The following RPGRIP1L variants were observed in gnomAD, a reference collection of about 807,000 sequenced individuals.
RPGRIP1L encodes protein fantom.
A neutral mutation model predicts 160.4 loss-of-function variants in RPGRIP1L; 131 were observed. The observed-to-expected ratio is 0.82, with a 90% CI of 0.71 to 0.94. The LOEUF is 0.94. Ranked by LOEUF, RPGRIP1L falls within the 40% of genes least tolerant of loss-of-function variation. The pLI is 0.00. For missense variants in RPGRIP1L, 1,522 were observed against 1,535.8 expected, an observed-to-expected ratio of 0.99 and a Z score of 0.15; for synonymous variants, 510 against 515.8, an observed-to-expected ratio of 0.99 and a Z score of 0.15.
chr16:53,678,763 G>A (rs1351529978), intron 6 of RPGRIP1L, among the ~76,000 whole-genome samples: 1 of 152,180 alleles, frequency 6.6e-6, no homozygotes, highest in Admixed American at 6.5e-5. Context: ...TTGAGTAATA[G>A]TTACAGGCTG....
chr16:53,611,360 C>T (rs1374961025), intron 24 of RPGRIP1L, among the ~76,000 whole-genome samples: 1 of 152,186 alleles, frequency 6.6e-6, no homozygotes, highest in African/African-American at 2.4e-5. Context: ...AGTCAACGGT[C>T]TTTATTGCTT....
At chr16:53,621,813 G>A (rs1225567724) in intron 23 of RPGRIP1L, among the ~76,000 whole-genome samples, 2 of 150,964 alleles carry the variant, frequency 1.3e-5, no homozygotes, top group African/African-American at 4.9e-5. Flanking sequence ...ACGAGGTCAG[G>A]AGATCGAGAC....
At position 53,652,836 on chromosome 16, in the gene RPGRIP1L, A is replaced by G. The variant is rs762855764; in HGVS notation, c.1851T>C (p.Ser617=). The change falls in exon 15 of 27, where the codon TCT becomes TCC. Residue 617 remains serine (S), a synonymous_variant. Transcript: ENST00000647211. ...CTCCAGATGCCTGTAAAACTTCAGA[A>G]GAAAAGGTTACTTTGTTGATATGGA... The part of the protein sequence containing the change: ...FEIHINKVTF[S]SEVLQASGDK... The G allele has an allele frequency of 1.9e-6, 3 of 1,613,548 alleles. No individual in the cohort carries two copies. Among genetic ancestry groups the G allele is most frequent in the Non-Finnish European group, 2.5e-6 (3 of 1,179,838 alleles).
At position 53,645,939 on chromosome 16, in the gene RPGRIP1L, T is replaced by C. The variant is rs1456928272; in HGVS notation, c.2369A>G (p.Asn790Ser). The part of the protein sequence containing the change: ...SSTDSTDGNL[N>S]ELHITIRCCN... The stretch of plus-strand genomic sequence containing the variant: ...ACATCTTATTGTAATGTGAAGTTCA[T>C]TTAAGTTGCCATCTGTGGAATCTGT... Residue 790 changes from asparagine to serine, a missense_variant, in exon 17 of 27, where the codon AAT becomes AGT. By Grantham distance (46) the Asn-to-Ser change is conservative. Coordinates refer to ENST00000647211, the MANE Select transcript of RPGRIP1L (RefSeq NM_015272.5). The C allele has an allele frequency of 5.6e-6, 9 of 1,614,002 alleles. No individual in the cohort carries two copies. Among genetic ancestry groups the C allele is most frequent in the East Asian group, 4.5e-5 (2 of 44,892 alleles).
chr16:53,638,118 C>T lies in RPGRIP1L; in HGVS notation c.3060+192G>A, dbSNP rs558459915. 1.1e-4 allele frequency among the ~76,000 whole-genome samples: 16 copies of T among 152,092 alleles called. No individual in the cohort carries two copies. The East Asian group carries it at 3.1e-3, about 29-fold the overall frequency. On this transcript the variant is annotated intron_variant, in intron 20 of 26. Coordinates refer to ENST00000647211, the MANE Select transcript of RPGRIP1L (RefSeq NM_015272.5). ...ACATTAAGACTTTAATTCAAATATT[C>T]ATATATTACCTGTCAATAGCAGTAT...
rs991639713 is a variant in RPGRIP1L, at chr16:53,657,252, C to CA, written c.1581+200dup. On this transcript the variant is annotated intron_variant, in intron 13 of 26. Transcript: ENST00000647211. ...CAAAACTCTGTCTCAAAAAAAAAAC[C>CA]AAAAAAACCCCACATTATTTGTTTT... 2.9e-3 allele frequency among the ~76,000 whole-genome samples: 444 copies of CA among 151,320 alleles called. 3 individuals carry two copies. Among genetic ancestry groups the CA allele is most frequent in the African/African-American group, 9.4e-3 (387 of 41,326 alleles).
intron 19 of RPGRIP1L, among the ~76,000 whole-genome samples, chr16:53,640,354 A>T (rs1462133230): frequency 6.6e-6 from 1 of 152,240 alleles, no homozygotes; most frequent in Non-Finnish European, 1.5e-5. Context: ...GAAATTCAGC[A>T]GTGAGGTCTA....
intron 25 of RPGRIP1L, among the ~76,000 whole-genome samples, chr16:53,606,765 C>T (rs558593467): frequency 6.6e-6 from 1 of 152,244 alleles, no homozygotes; most frequent in African/African-American, 2.4e-5. Context: ...AGGTGCCCGC[C>T]ACCACATCTG....
intron 24 of RPGRIP1L, among the ~76,000 whole-genome samples, chr16:53,614,056 C>T (rs9940797): frequency 0.38 from 57,536 of 152,016 alleles, 12,624 homozygotes; most frequent in African/African-American, 0.59. Context: ...AACACAAGAC[C>T]AGAAGGTAAG....
At chr16:53,602,789 A>AG (rs1963452918) in intron 26 of RPGRIP1L, among the ~76,000 whole-genome samples, 1 of 151,708 alleles carries the variant, frequency 6.6e-6, no homozygotes, top group Non-Finnish European at 1.5e-5. Context: ...AAAAAAAAAA[A>AG]GAATTTTTAA....
intron 24 of RPGRIP1L, among the ~76,000 whole-genome samples, chr16:53,613,681 T>C (rs1418954649): frequency 3.9e-5 from 6 of 152,326 alleles, no homozygotes; most frequent in South Asian, 4.1e-4. Flanking sequence ...AGTGGTGTCG[T>C]TGGGGATTCC....
chr16:53,685,158 C>T (rs1969910961), intron 6 of RPGRIP1L, among the ~76,000 whole-genome samples: 1 of 152,066 alleles, frequency 6.6e-6, no homozygotes, highest in South Asian at 2.1e-4. Context: ...GCCAAAACCA[C>T]AATGAGATAC....
At chr16:53,688,011 A>G (rs1244607516) in intron 4 of RPGRIP1L, 46 bp from the exon 5 acceptor site, 1 of 1,143,952 alleles carries the variant, frequency 8.7e-7, no homozygotes, top group South Asian at 1.3e-5. Context: ...GAAGTTAGAA[A>G]AGAAGGATCT....
At chr16:53,682,380 C>T (rs552575218) in intron 6 of RPGRIP1L, among the ~76,000 whole-genome samples, 7 of 152,284 alleles carry the variant, frequency 4.6e-5, no homozygotes, top group African/African-American at 1.7e-4. Flanking sequence ...TCTATGTATA[C>T]ATGTTGGTGT....
rs1435895403 is a variant in RPGRIP1L, at chr16:53,650,183, A to C, written c.2153-1068T>G. Among the ~76,000 whole-genome samples, 4 of 152,096 alleles carry C rather than the reference A, an allele frequency of 2.6e-5. No individual in the cohort carries two copies. In the East Asian group the frequency reaches 7.7e-4, roughly 29 times the overall value. Reference sequence around the variant, plus strand: ...TTAAGAGGTGATGAGGCCACGAGGGATCCACCCTCATGAGTAGGATTGGTG... The same window carrying C: ...TTAAGAGGTGATGAGGCCACGAGGGCTCCACCCTCATGAGTAGGATTGGTG... On this transcript the variant is annotated intron_variant, in intron 15 of 26. Coordinates refer to ENST00000647211, the MANE Select transcript of RPGRIP1L (RefSeq NM_015272.5).
chr16:53,641,716 A>ACT (rs1966234883), intron 17 of RPGRIP1L, among the ~76,000 whole-genome samples: 1 of 152,198 alleles, frequency 6.6e-6, no homozygotes, highest in Admixed American at 6.5e-5. Context: ...GATCTCCTTC[A>ACT]GAAGTTAAGA....
Position 53,645,962 on chromosome 16 carries a change from T to A in RPGRIP1L, c.2346A>T (p.Thr782=). 6.2e-7 allele frequency: 1 copy of A among 1,614,174 alleles called. No individual in the cohort carries two copies. The change falls in exon 17 of 27, where the codon ACA becomes ACT. Residue 782 remains threonine, a synonymous_variant. Transcript: ENST00000647211. ...QAPKTAQLSS[T]DSTDGNLNEL... is the part of the protein sequence containing the mutation. ...CATTTAAGTTGCCATCTGTGGAATC[T>A]GTAGAACTGAGTTGAGCAGTTTTGG...
intron 25 of RPGRIP1L, among the ~76,000 whole-genome samples, chr16:53,610,375 T>C: frequency 6.6e-6 from 1 of 152,198 alleles, no homozygotes. Context: ...AGATACAAAT[T>C]AGTCTGAAAG....
intron 25 of RPGRIP1L, among the ~76,000 whole-genome samples, chr16:53,607,297 G>C (rs1782320818): frequency 6.6e-6 from 1 of 152,124 alleles, no homozygotes; most frequent in African/African-American, 2.4e-5. Flanking sequence ...CTTTTTAGTA[G>C]TATTTTTAAT....
Sources: gnomAD v4.1 joint callset for allele counts (sites outside exome capture counted in the v4.1 genomes callset) on GRCh38, gnomAD v4.1.1 for gene constraint, MANE v1.5 for transcripts, NCBI Gene and HGNC (gene_info 2026-07-23, HGNC 2026-07-21) for gene names.